Variants in PDE4D observed in about 807,000 individuals in gnomAD.
PDE4D encodes 3',5'-cyclic-AMP phosphodiesterase 4D.
Under a neutral mutation model 87.4 loss-of-function variants are expected in PDE4D, and 24 were observed. That is an observed-to-expected ratio of 0.27 (90% confidence interval 0.20 to 0.39). The LOEUF is 0.39. Ranked by LOEUF, PDE4D falls within the 10% of genes least tolerant of loss-of-function variation. The pLI is 1.00. For synonymous variants in PDE4D, 384 were observed against 383.2 expected (o/e 1.00, Z -0.02); for missense variants, 714 against 1,041.0 (o/e 0.69, Z 4.32).
intron 1 of PDE4D, among the ~76,000 whole-genome samples, chr5:59,535,037 CA>C (rs1481284977): frequency 1.4e-5 from 2 of 142,796 alleles, no homozygotes; most frequent in Non-Finnish European, 3.0e-5. Flanking sequence ...TTGAGGACAA[CA>C]AGATAATTTT....
chr5:60,356,210 C>G (rs1759607316), intron 1 of PDE4D, among the ~76,000 whole-genome samples: 1 of 152,086 alleles, frequency 6.6e-6, no homozygotes, highest in Non-Finnish European at 1.5e-5. Context: ...GCATTACATT[C>G]CCATTAATAT....
chr5:59,098,225 T>G (rs1409956205), intron 5 of PDE4D, among the ~76,000 whole-genome samples: 1 of 152,192 alleles, frequency 6.6e-6, no homozygotes, highest in East Asian at 1.9e-4. Flanking sequence ...GTGTTGAAAC[T>G]CTAATAGCAC....
chr5:60,070,271 A>G (rs1361360088), intron 2 of PDE4D, among the ~76,000 whole-genome samples: 1 of 152,106 alleles, frequency 6.6e-6, no homozygotes, highest in Admixed American at 6.6e-5. Context: ...ATCTTAGAGG[A>G]AAAGCCTTCA....
At chr5:60,271,701 G>C (rs1304545819) in intron 1 of PDE4D, among the ~76,000 whole-genome samples, 1 of 152,150 alleles carries the variant, frequency 6.6e-6, no homozygotes, top group Non-Finnish European at 1.5e-5. Flanking sequence ...GGTAAAAACA[G>C]CTCCATGTGT....
At chr5:59,835,494 C>T (rs1289427634) in intron 1 of PDE4D, among the ~76,000 whole-genome samples, 1 of 152,024 alleles carries the variant, frequency 6.6e-6, no homozygotes, top group African/African-American at 2.4e-5. Flanking sequence ...GGCTATGGCC[C>T]AGTCATTACT....
chr5:59,162,258 C>A (rs547931918), intron 5 of PDE4D, among the ~76,000 whole-genome samples: 1 of 152,178 alleles, frequency 6.6e-6, no homozygotes, highest in South Asian at 2.1e-4. Context: ...GAAAACTGTA[C>A]GGTTTCTGCA....
intron 6 of PDE4D, among the ~76,000 whole-genome samples, chr5:59,026,189 A>G (rs568609201): frequency 1.3e-5 from 2 of 152,334 alleles, no homozygotes; most frequent in East Asian, 3.9e-4. Flanking sequence ...TATGGCCTCT[A>G]TGGTTTTTGC....
At chr5:59,637,746 T>G (rs771567189) in intron 1 of PDE4D, among the ~76,000 whole-genome samples, 1 of 151,862 alleles carries the variant, frequency 6.6e-6, no homozygotes, top group Non-Finnish European at 1.5e-5. Flanking sequence ...CACTGGGGCC[T>G]GTCGGGGGGT....
At chr5:59,157,863 A>G (rs2153463379) in intron 5 of PDE4D, among the ~76,000 whole-genome samples, 1 of 152,318 alleles carries the variant, frequency 6.6e-6, no homozygotes, top group South Asian at 2.1e-4. Flanking sequence ...GAACAAAGAA[A>G]GGATGACCTC....
At chr5:60,030,290 A>C (rs1471629866) in intron 2 of PDE4D, among the ~76,000 whole-genome samples, 1 of 152,014 alleles carries the variant, frequency 6.6e-6, no homozygotes, top group Non-Finnish European at 1.5e-5. Context: ...CTCTACTAAA[A>C]ATACAAAAAA....
At chr5:60,476,562 T>G in intron 1 of PDE4D, among the ~76,000 whole-genome samples, 1 of 152,212 alleles carries the variant, frequency 6.6e-6, no homozygotes, top group East Asian at 1.9e-4. Context: ...AGAAAGAATG[T>G]AACGAGCTTA....
intron 1 of PDE4D, among the ~76,000 whole-genome samples, chr5:59,811,693 A>G (rs1435191346): frequency 6.6e-6 from 1 of 152,230 alleles, no homozygotes; most frequent in Non-Finnish European, 1.5e-5. Context: ...AACAGAGAAG[A>G]AACTGTGTGA....
intron 1 of PDE4D, among the ~76,000 whole-genome samples, chr5:60,454,365 C>A (rs1746312013): frequency 6.6e-6 from 1 of 152,120 alleles, no homozygotes. Context: ...TTTATTGCAG[C>A]ACTATTCACA....
chr5:59,425,225 A>G (rs1404828031), intron 1 of PDE4D, among the ~76,000 whole-genome samples: 3 of 152,194 alleles, frequency 2.0e-5, no homozygotes, highest in African/African-American at 7.2e-5. Flanking sequence ...AAGAAAGGTA[A>G]AAGAAAGTAT....
intron 1 of PDE4D, among the ~76,000 whole-genome samples, chr5:59,500,533 T>G (rs1464423222): frequency 6.6e-6 from 1 of 152,118 alleles, no homozygotes; most frequent in African/African-American, 2.4e-5. Flanking sequence ...TGTTCTTACT[T>G]ATAAGTGGGA....
chr5:60,246,188 A>G (rs1009561412), intron 1 of PDE4D, among the ~76,000 whole-genome samples: 7 of 151,902 alleles, frequency 4.6e-5, no homozygotes, highest in Non-Finnish European at 8.8e-5. Context: ...CTTCTCATAC[A>G]ATATTTAATG....
chr5:59,583,933 C>T (rs1824647933), intron 1 of PDE4D, among the ~76,000 whole-genome samples: 1 of 152,224 alleles, frequency 6.6e-6, no homozygotes, highest in Non-Finnish European at 1.5e-5. Flanking sequence ...TGAGCTAGGG[C>T]TCGTGAAACC....
At chr5:60,233,581 G>A (rs570545050) in intron 1 of PDE4D, among the ~76,000 whole-genome samples, 14 of 150,828 alleles carry the variant, frequency 9.3e-5, no homozygotes, top group Non-Finnish European at 1.3e-4. Context: ...TTTACAAAGG[G>A]AAATTTTAAC....
chr5:59,925,345 C>G (rs899520006), intron 3 of PDE4D, among the ~76,000 whole-genome samples: 2 of 151,808 alleles, frequency 1.3e-5, no homozygotes, highest in African/African-American at 4.8e-5. Context: ...CTTGTAGTAA[C>G]CTCAAATCAA....
Sources: gnomAD v4.1 joint callset for allele counts (sites outside exome capture counted in the v4.1 genomes callset) on GRCh38, gnomAD v4.1.1 for gene constraint, MANE v1.5 for transcripts, NCBI Gene and HGNC (gene_info 2026-07-23, HGNC 2026-07-21) for gene names.